The following RRP12 variants were observed in gnomAD, a reference collection of about 807,000 sequenced individuals.
RRP12 encodes the protein ribosomal RNA processing 12 homolog, also known as RRP12-like protein.
In RRP12, 78 loss-of-function variants were observed where a neutral mutation model predicts 157.3. The observed-to-expected ratio is 0.50, with a 90% CI of 0.41 to 0.60. RRP12 has a LOEUF of 0.60. Ranked by LOEUF, RRP12 falls within the 20% of genes least tolerant of loss-of-function variation. The probability of loss-of-function intolerance (pLI) is 0.00; values close to 1 mark genes in which losing one functional copy is unlikely to be tolerated. For missense variants in RRP12, 1,521 were observed against 1,679.9 expected (o/e 0.91, Z 1.65); for synonymous variants, 726 against 670.9 (o/e 1.08, Z -1.27).
intron 13 of RRP12, 55 bp downstream of exon 13, chr10:97,380,744 A>T: frequency 2.3e-6 from 3 of 1,292,760 alleles, no homozygotes; most frequent in Non-Finnish European, 3.4e-6. Flanking sequence ...CCAGGAGCCC[A>T]TAGTCCAAGA....
At chr10:97,390,627 T>A in intron 5 of RRP12, 88 bp from the exon 6 acceptor site, 3 of 1,353,922 alleles carry the variant, frequency 2.2e-6, no homozygotes, top group South Asian at 2.3e-5. Context: ...GAAAATCGCA[T>A]CTGTCTGAGG....
At chr10:97,382,764 ATTT>A (rs11290358) in intron 10 of RRP12, among the ~76,000 whole-genome samples, 3 of 142,280 alleles carry the variant, frequency 2.1e-5, no homozygotes, top group Admixed American at 1.4e-4. Context: ...GACTGTTTCT[ATTT>A]TTTTTTTTTT....
chr10:97,366,511 A>G lies in RRP12; in HGVS notation c.3326T>C (p.Leu1109Pro). ...GGGCTCGTCCCCACCGCCCTCTTTC[A>G]GCCATGCCCGGCTCCTCTGTCGTGC... ...KLARQRSRAWLKEGGGDEPLN... is the reference protein window; with the variant it reads ...KLARQRSRAWPKEGGGDEPLN... The change falls in exon 28 of 34, where the codon CTG (leucine) becomes CCG (proline). Residue 1109 changes from leucine (L) to proline (P), a missense_variant. By Grantham distance (98) the Leu-to-Pro change is moderately conservative. Coordinates refer to ENST00000370992, the MANE Select transcript of RRP12 (RefSeq NM_015179.4). 3 of 1,614,000 alleles carry G rather than the reference A, an allele frequency of 1.9e-6. No homozygotes were observed. The highest frequency in any genetic ancestry group is 2.5e-6 in the Non-Finnish European group (3 of 1,179,998).
At position 97,379,728 on chromosome 10, in the gene RRP12, G is replaced by A. The variant is rs1461928749; in HGVS notation, c.1576C>T (p.Pro526Ser). Residue 526 changes from proline (P) to serine (S), a missense_variant, in exon 14 of 34, where the codon CCC (proline) becomes TCC (serine). Physicochemically the swap from Pro to Ser is moderately conservative, Grantham distance 74. Transcript: ENST00000370992. ...GCCTGGTCAAGAGCCGCCGTGTGGG[G>A]GAAATGAGGGGAGAGGCGCAGGTCA... ...LCDLRLSPHF[P>S]HTAALDQAVG... 3 of 1,613,646 alleles carry A rather than the reference G, an allele frequency of 1.9e-6. No homozygotes were observed. In the African/African-American group the frequency reaches 4.0e-5, roughly 22 times the overall value.
intron 24 of RRP12, 94 bp from the exon 25 acceptor site, chr10:97,369,676 A>G (rs2133045187): frequency 1.5e-6 from 2 of 1,314,250 alleles, no homozygotes; most frequent in Non-Finnish European, 2.1e-6. Context: ...AGTGTCAGTA[A>G]AAGCTGACAT....
At chr10:97,393,545 A>C in intron 4 of RRP12, 139 bp downstream of exon 4, 2 of 752,482 alleles carry the variant, frequency 2.7e-6, no homozygotes, top group Non-Finnish European at 4.7e-6. Context: ...ATGCTGGCCC[A>C]TTCTGCATGC....
chr10:97,395,014 G>A (rs972678301), intron 3 of RRP12, among the ~76,000 whole-genome samples: 6 of 151,726 alleles, frequency 4.0e-5, no homozygotes. Flanking sequence ...ATGGTGGCAG[G>A]CGCCTGTAAT....
chr10:97,369,536 GCA>G lies in RRP12; in HGVS notation c.2842_2843del (p.Cys948ProfsTer9). On this transcript the variant is annotated frameshift_variant, in exon 25 of 34. Transcript: ENST00000370992. LOFTEE classifies it high-confidence loss of function. Reference protein sequence around the residue: ...STVEQLLENVCLLLASRTRDV... With the variant: ...STVEQLLENVXLLLASRTRDV... Reference sequence around the variant, plus strand: ...CACGGGTGCGGGAGGCCAGAAGCAGGCACACATTCTCCAGCAGCTGCTCCACT... The same window carrying G: ...CACGGGTGCGGGAGGCCAGAAGCAGGCACATTCTCCAGCAGCTGCTCCACT... The G allele has an allele frequency of 6.3e-7, 1 of 1,588,564 alleles. No homozygotes were observed. The highest frequency in any genetic ancestry group is 8.6e-7 in the Non-Finnish European group (1 of 1,167,318).
intron 14 of RRP12, 33 bp from the exon 15 acceptor site, chr10:97,379,447 T>G (rs747977250): frequency 3.1e-6 from 5 of 1,612,772 alleles, no homozygotes; most frequent in Non-Finnish European, 4.2e-6. Flanking sequence ...CCAATGAGGA[T>G]GAGGGGACAG....
chr10:97,385,497 T>C (rs1844605023), intron 9 of RRP12, among the ~76,000 whole-genome samples: 1 of 151,860 alleles, frequency 6.6e-6, no homozygotes, highest in Non-Finnish European at 1.5e-5. Flanking sequence ...ACACACTCCT[T>C]TGTGAGTCTG....
Position 97,372,109 on chromosome 10 carries a change from G to A in RRP12, c.2307C>T (p.Ile769=), listed in dbSNP as rs953409456. 1.9e-6 allele frequency: 3 copies of A among 1,613,742 alleles called. No homozygotes were observed. The highest frequency in any genetic ancestry group is 2.7e-5 in the African/African-American group (2 of 75,060). ...ALAPCADEAA[I]SKLYSTIRPY... The stretch of plus-strand genomic sequence containing the variant: ...GCCGGATGGTGGAGTATAGCTTACT[G>A]ATGGCAGCTTCGTCAGCACACGGAG... The change falls in exon 20 of 34, where the codon ATC becomes ATT. Residue 769 remains isoleucine, a synonymous_variant. Transcript: ENST00000370992.
At chr10:97,386,242 T>C (rs541514604) in intron 8 of RRP12, among the ~76,000 whole-genome samples, 1 of 149,434 alleles carries the variant, frequency 6.7e-6, no homozygotes, top group African/African-American at 2.5e-5. Flanking sequence ...AAGCAGGCTA[T>C]AAACGGTCTG....
At chr10:97,361,950 T>C (rs937817285) in intron 30 of RRP12, among the ~76,000 whole-genome samples, 31 of 151,628 alleles carry the variant, frequency 2.0e-4, no homozygotes, top group Non-Finnish European at 5.9e-5. Flanking sequence ...CCACTAAAAA[T>C]ACAAAAATTA....
Position 97,400,313 on chromosome 10 carries a change from G to C in RRP12, c.361C>G (p.His121Asp). Reference sequence around the variant, plus strand: ...CCGACCCTCGCCCCTACCTCCTTGTGGGCAGCCGAGTTGGACTCCCAGAAG... The same window carrying C: ...CCGACCCTCGCCCCTACCTCCTTGTCGGCAGCCGAGTTGGACTCCCAGAAG... ...QRFWESNSAAHKEICAVLAAV... is the reference protein window; with the variant it reads ...QRFWESNSAADKEICAVLAAV... The change falls in exon 2 of 34, where the codon CAC becomes GAC. Residue 121 changes from histidine (H) to aspartate (D), a missense_variant. Coordinates refer to ENST00000370992, the MANE Select transcript of RRP12 (RefSeq NM_015179.4). 1 of 1,613,662 alleles carries C rather than the reference G, an allele frequency of 6.2e-7. No individual in the cohort carries two copies.
In RRP12 at chr10:97,356,757, C is replaced by A. The variant is rs1041152197; in HGVS notation, c.*337G>T. On this transcript the variant is annotated 3_prime_UTR_variant, in exon 34 of 34. Transcript: ENST00000370992. ...GTCACAGTAAATCTCACCCAGACCA[C>A]AGGCAGGATGCCACGTGGCTACAGG... The A allele has an allele frequency of 7.0e-5, 18 of 257,352 alleles. No individual in the cohort carries two copies. The East Asian group carries it at 1.0e-3, about 15-fold the overall frequency. 15.9% of individuals were successfully genotyped at this position (257,352 alleles called of 1,614,324 possible).
intron 10 of RRP12, 106 bp downstream of exon 10, chr10:97,385,060 T>A (rs74332423): frequency 1.9e-5 from 9 of 466,120 alleles, no homozygotes; most frequent in African/African-American, 3.4e-5. Flanking sequence ...GCAGCCAGGA[T>A]GAAGGCCCTG....
At chr10:97,383,116 T>G (rs1334679888) in intron 10 of RRP12, among the ~76,000 whole-genome samples, 2 of 152,200 alleles carry the variant, frequency 1.3e-5, no homozygotes, top group African/African-American at 4.8e-5. Context: ...ATTTCACCCC[T>G]CTGTGGGACA....
At chr10:97,380,759 G>T in intron 13 of RRP12, 40 bp downstream of exon 13, 1 of 1,456,014 alleles carries the variant, frequency 6.9e-7, no homozygotes, top group Non-Finnish European at 9.7e-7. Flanking sequence ...CCAAGAGCCA[G>T]CACCACTTCC....
At chr10:97,385,720 G>A (rs1844612849) in intron 9 of RRP12, among the ~76,000 whole-genome samples, 175 bp downstream of exon 9, 1 of 152,182 alleles carries the variant, frequency 6.6e-6, no homozygotes, top group Admixed American at 6.5e-5. Flanking sequence ...ACACTGATGT[G>A]AATTTGATGG....
Sources: allele counts gnomAD v4.1 joint callset (sites outside exome capture counted in the v4.1 genomes callset), GRCh38; gene constraint gnomAD v4.1.1; transcripts MANE v1.5; gene names NCBI Gene and HGNC (gene_info 2026-07-23, HGNC 2026-07-21).